Variants in C1orf21 observed in about 807,000 individuals in gnomAD.
The protein encoded by C1orf21 is uncharacterized protein C1orf21.
Under a neutral mutation model 18.7 loss-of-function variants are expected in C1orf21, and 3 were observed. The observed-to-expected ratio is 0.16, with a 90% confidence interval of 0.07 to 0.42. The LOEUF (loss-of-function observed/expected upper bound fraction) is 0.42. C1orf21 is among the 10% of genes least tolerant of loss of function. The probability of loss-of-function intolerance (pLI) is 0.99; values close to 1 mark genes in which losing one functional copy is unlikely to be tolerated. For synonymous variants in C1orf21, 41 were observed against 46.4 expected (o/e 0.88, Z 0.47); for missense variants, 104 against 143.6 (o/e 0.72, Z 1.41).
intron 3 of C1orf21, among the ~76,000 whole-genome samples, chr1:184,576,186 A>G (rs1206148648): frequency 6.6e-6 from 1 of 151,580 alleles, no homozygotes; most frequent in South Asian, 2.1e-4. Context: ...GTGCAGTAGT[A>G]CAATCTCGGC....
chr1:184,406,695 T>C (rs534651743), intron 1 of C1orf21, among the ~76,000 whole-genome samples: 1 of 152,346 alleles, frequency 6.6e-6, no homozygotes, highest in East Asian at 1.9e-4. Context: ...CATGTGTATC[T>C]AAGGGTAAGG....
chr1:184,561,971 T>C (rs894577877), intron 3 of C1orf21, among the ~76,000 whole-genome samples: 3 of 152,130 alleles, frequency 2.0e-5, no homozygotes, highest in African/African-American at 7.2e-5. Context: ...TTTAAAATTA[T>C]CTAAGATCAT....
intron 1 of C1orf21, 147 bp from the exon 2 acceptor site, chr1:184,477,239 G>A (rs112392406): frequency 3.9e-5 from 13 of 337,288 alleles, no homozygotes; most frequent in African/African-American, 2.1e-4. Context: ...GCTGCACATG[G>A]TTCTTCTGTG....
At chr1:184,463,404 T>G (rs557384007) in intron 1 of C1orf21, among the ~76,000 whole-genome samples, 1 of 152,216 alleles carries the variant, frequency 6.6e-6, no homozygotes, top group Non-Finnish European at 1.5e-5. Flanking sequence ...TAATTACTAC[T>G]TTGTGTAATT....
chr1:184,521,807 G>T, intron 3 of C1orf21, among the ~76,000 whole-genome samples: 1 of 152,086 alleles, frequency 6.6e-6, no homozygotes, highest in East Asian at 1.9e-4. Flanking sequence ...AATGCAGACT[G>T]TGACAAAAGA....
intron 3 of C1orf21, among the ~76,000 whole-genome samples, chr1:184,530,606 T>C (rs940898271): frequency 1.3e-5 from 2 of 149,210 alleles, no homozygotes; most frequent in Non-Finnish European, 3.0e-5. Flanking sequence ...TTTTCTTTTT[T>C]TTTTTTTTTT....
rs1293854755 is a variant in C1orf21 at position 184,624,225 on chromosome 1, G to A, written c.*4669G>A. 6.6e-6 allele frequency: 1 copy of A among 152,468 alleles called. No individual in the cohort carries two copies. The highest frequency in any genetic ancestry group is 1.5e-5 in the Non-Finnish European group (1 of 68,034). The allele number at this position is 152,468 out of a possible 1,614,324, so 9.4% of individuals were successfully genotyped here. A position where few individuals can be genotyped will look rare whatever the true frequency, so the allele number is the denominator to read the frequency against. ...ATCTGCCTTCCAGAATCTCTCTCTG[G>A]CTTCTCACCAGCTTGGTTTCCTCAT... is the stretch of plus-strand genomic sequence containing the variant. On this transcript the variant is annotated 3_prime_UTR_variant, in exon 6 of 6. Transcript: ENST00000235307.
At chr1:184,478,987 G>T (rs892066552) in intron 2 of C1orf21, among the ~76,000 whole-genome samples, 4 of 152,098 alleles carry the variant, frequency 2.6e-5, no homozygotes, top group Admixed American at 2.0e-4. Flanking sequence ...TGTAATGATT[G>T]TTTTAGTCTC....
intron 3 of C1orf21, among the ~76,000 whole-genome samples, chr1:184,539,631 C>G (rs758015314): frequency 6.6e-6 from 1 of 152,190 alleles, no homozygotes. Context: ...CTTTTCACAG[C>G]TGCATGTTTT....
At chr1:184,514,864 C>T (rs750864620) in intron 3 of C1orf21, among the ~76,000 whole-genome samples, 6 of 152,120 alleles carry the variant, frequency 3.9e-5, no homozygotes, top group Non-Finnish European at 8.8e-5. Flanking sequence ...AGCATGATGC[C>T]ATTTAAGGTT....
chr1:184,415,284 A>G lies in C1orf21; in HGVS notation c.-125+27916A>G, dbSNP rs115086213. Among the ~76,000 whole-genome samples, 747 of 152,314 alleles carry G rather than the reference A, an allele frequency of 4.9e-3. 3 individuals carry two copies. Among genetic ancestry groups the G allele is most frequent in the African/African-American group, 0.017 (703 of 41,556 alleles). ...TACTAATTAGGAATGTGACAGTAAA[A>G]AATCACTTAGCCTCTTTGGACCTTC... is the stretch of plus-strand genomic sequence containing the variant. On this transcript the variant is annotated intron_variant, in intron 1 of 5. Coordinates refer to ENST00000235307, the MANE Select transcript of C1orf21 (RefSeq NM_030806.4).
chr1:184,497,758 T>C (rs796225567), intron 2 of C1orf21, among the ~76,000 whole-genome samples: 12 of 152,298 alleles, frequency 7.9e-5, no homozygotes, highest in African/African-American at 2.9e-4. Flanking sequence ...CTAAAAGTTG[T>C]ATAACCCAGA....
chr1:184,565,172 G>T (rs897628333), intron 3 of C1orf21, among the ~76,000 whole-genome samples: 3 of 152,112 alleles, frequency 2.0e-5, no homozygotes, highest in African/African-American at 7.2e-5. Context: ...AGAAGTGTGT[G>T]CACACACATA....
chr1:184,485,205 C>T (rs574036881), intron 2 of C1orf21, among the ~76,000 whole-genome samples: 2 of 152,094 alleles, frequency 1.3e-5, no homozygotes, highest in Non-Finnish European at 2.9e-5. Context: ...GCATGAGAAA[C>T]GTGACTAGTC....
intron 3 of C1orf21, 96 bp downstream of exon 3, chr1:184,507,778 C>T: frequency 1.1e-6 from 1 of 949,978 alleles, no homozygotes; most frequent in South Asian, 2.0e-5. Context: ...CACACTGGCA[C>T]AAGATTTCTT....
intron 1 of C1orf21, among the ~76,000 whole-genome samples, chr1:184,448,767 A>G (rs940375577): frequency 2.4e-4 from 36 of 152,134 alleles, no homozygotes; most frequent in African/African-American, 8.0e-4. Flanking sequence ...GAAAGGTGTG[A>G]AGAGAGTGGT....
intron 1 of C1orf21, among the ~76,000 whole-genome samples, chr1:184,450,987 C>A (rs1475686032): frequency 1.3e-5 from 2 of 152,232 alleles, no homozygotes; most frequent in African/African-American, 4.8e-5. Context: ...AAGCGATTCT[C>A]CAACCTTAGC....
At chr1:184,596,423 A>G (rs1425007482) in intron 4 of C1orf21, among the ~76,000 whole-genome samples, 1 of 152,178 alleles carries the variant, frequency 6.6e-6, no homozygotes, top group Non-Finnish European at 1.5e-5. Flanking sequence ...TATTCAAGGC[A>G]ATATAATGCT....
intron 3 of C1orf21, among the ~76,000 whole-genome samples, chr1:184,578,605 G>A (rs541620012): frequency 2.3e-4 from 35 of 152,254 alleles, no homozygotes; most frequent in Admixed American, 2.2e-3. Flanking sequence ...TTTTGGCCCA[G>A]TTTAAATCAT....
Sources: allele counts gnomAD v4.1 joint callset (sites outside exome capture counted in the v4.1 genomes callset), GRCh38; gene constraint gnomAD v4.1.1; transcripts MANE v1.5; gene names NCBI Gene and HGNC (gene_info 2026-07-23, HGNC 2026-07-21).